Variants in PPFIBP1 observed in about 807,000 individuals in gnomAD.
The protein encoded by PPFIBP1 is liprin-beta-1.
Under a neutral mutation model 137.8 loss-of-function variants are expected in PPFIBP1, and 112 were observed. The observed-to-expected ratio is 0.81, with a 90% CI of 0.70 to 0.95. PPFIBP1 has a LOEUF of 0.95. Ranked by LOEUF, PPFIBP1 falls within the 40% of genes least tolerant of loss-of-function variation. PPFIBP1 has a pLI of 0.00. For synonymous variants in PPFIBP1, 378 were observed against 417.3 expected (o/e 0.91, Z 1.15); for missense variants, 1,083 against 1,196.6 (o/e 0.91, Z 1.40).
intron 2 of PPFIBP1, among the ~76,000 whole-genome samples, chr12:27,600,544 A>C (rs2053864317): frequency 6.6e-6 from 1 of 151,776 alleles, no homozygotes; most frequent in Non-Finnish European, 1.5e-5. Context: ...ATTTTGCCAT[A>C]TTTCATTGTA....
intron 2 of PPFIBP1, among the ~76,000 whole-genome samples, chr12:27,621,951 AT>A (rs2056383187): frequency 1.3e-5 from 2 of 152,224 alleles, no homozygotes; most frequent in Admixed American, 1.3e-4. Flanking sequence ...GATATGATCC[AT>A]TGTGATTAGA....
intron 1 of PPFIBP1, among the ~76,000 whole-genome samples, chr12:27,563,307 A>AAAAAAAAT (rs2049330135): frequency 6.9e-6 from 1 of 145,474 alleles, no homozygotes; most frequent in African/African-American, 2.6e-5. Flanking sequence ...AAAAAAAAAA[A>AAAAAAAAT]TTAGCTGGGT....
At chr12:27,593,746 C>T in intron 2 of PPFIBP1, 2 of 678,754 alleles carry the variant, frequency 2.9e-6, no homozygotes, top group Non-Finnish European at 4.9e-6. Flanking sequence ...TCTGTGTTGT[C>T]AGAGCCAACG....
At chr12:27,634,686 G>A (rs12422294) in intron 3 of PPFIBP1, among the ~76,000 whole-genome samples, 32,985 of 151,752 alleles carry the variant, frequency 0.22, 3,796 homozygotes, top group East Asian at 0.29. Context: ...CCCATGATTG[G>A]CCTCCTAGTT....
rs2050726184 is a variant in PPFIBP1 at position 27,578,140 on chromosome 12, G to C, written c.-123-12G>C. 1 of 150,608 alleles carries C rather than the reference G, an allele frequency of 6.6e-6. No homozygotes were observed. Among genetic ancestry groups the C allele is most frequent in the Non-Finnish European group, 1.5e-5 (1 of 67,726 alleles). 9.3% of individuals were successfully genotyped at this position (150,608 alleles called of 1,614,324 possible). A position where few individuals can be genotyped will look rare whatever the true frequency, so the allele number is the denominator to read the frequency against. On this transcript the variant is annotated splice_polypyrimidine_tract_variant and intron_variant, in intron 1 of 29. Coordinates refer to ENST00000228425, the MANE Select transcript of PPFIBP1 (RefSeq NM_003622.4). ...ATTTTAACTTGTCGTTTTTGTATTTGTTTCTTTTCAGTATAAAAGAACGTG... is the reference window on the plus strand; with the variant it reads ...ATTTTAACTTGTCGTTTTTGTATTTCTTTCTTTTCAGTATAAAAGAACGTG...
At chr12:27,678,881 A>AAAAAAAAC (rs2060707182) in intron 19 of PPFIBP1, among the ~76,000 whole-genome samples, 1 of 143,198 alleles carries the variant, frequency 7.0e-6, no homozygotes, top group African/African-American at 2.8e-5. Flanking sequence ...AAAAAAAAAA[A>AAAAAAAAC]CATTTAAGAG....
At chr12:27,577,037 T>C (rs1215172045) in intron 1 of PPFIBP1, among the ~76,000 whole-genome samples, 2 of 152,260 alleles carry the variant, frequency 1.3e-5, no homozygotes, top group Admixed American at 6.5e-5. Context: ...TGTGTATATA[T>C]GGGCCATATA....
At chr12:27,585,035 G>A (rs2051565809) in intron 2 of PPFIBP1, among the ~76,000 whole-genome samples, 1 of 152,146 alleles carries the variant, frequency 6.6e-6, no homozygotes, top group Non-Finnish European at 1.5e-5. Context: ...GCATAAATGT[G>A]TATCAATGAG....
chr12:27,631,024 T>C (rs1241968025), intron 2 of PPFIBP1, among the ~76,000 whole-genome samples: 1 of 152,174 alleles, frequency 6.6e-6, no homozygotes, highest in Non-Finnish European at 1.5e-5. Context: ...ACTGGCAACA[T>C]AGTGAGACCT....
At chr12:27,593,124 T>C in intron 2 of PPFIBP1, among the ~76,000 whole-genome samples, 1 of 46,184 alleles carries the variant, frequency 2.2e-5, no homozygotes, top group East Asian at 3.8e-4. Flanking sequence ...GGAGAAAGAA[T>C]GTCTCAAAAA....
At chr12:27,525,513 G>GAAAA (rs56656340) in intron 1 of PPFIBP1, among the ~76,000 whole-genome samples, 7 of 93,738 alleles carry the variant, frequency 7.5e-5, no homozygotes, top group African/African-American at 1.6e-4. Flanking sequence ...GAGCAGGAAG[G>GAAAA]AAAAAAAAAA....
chr12:27,628,324 A>G (rs890688860), intron 2 of PPFIBP1, among the ~76,000 whole-genome samples: 3 of 152,146 alleles, frequency 2.0e-5, no homozygotes, highest in Non-Finnish European at 2.9e-5. Context: ...CTACAGGCAC[A>G]TGCCACCACA....
chr12:27,599,833 T>C (rs544058600), intron 2 of PPFIBP1, among the ~76,000 whole-genome samples: 3 of 152,014 alleles, frequency 2.0e-5, no homozygotes, highest in Non-Finnish European at 2.9e-5. Context: ...AAGTTTCAGG[T>C]CAAGAAAGGC....
intron 4 of PPFIBP1, 42 bp from the exon 5 acceptor site, chr12:27,646,020 C>A: frequency 7.2e-7 from 1 of 1,391,898 alleles, no homozygotes; most frequent in Non-Finnish European, 1.0e-6. Context: ...ATATATCATT[C>A]TTAGAGAAGA....
chr12:27,656,591 T>C, intron 8 of PPFIBP1, 25 bp from the exon 9 acceptor site: 1 of 1,431,310 alleles, frequency 7.0e-7, no homozygotes, highest in Non-Finnish European at 9.9e-7. Flanking sequence ...GATCTGCTAT[T>C]TTTAAATGAA....
At chr12:27,638,266 T>C (rs1346388372) in intron 4 of PPFIBP1, among the ~76,000 whole-genome samples, 11 of 152,166 alleles carry the variant, frequency 7.2e-5, no homozygotes, top group African/African-American at 2.7e-4. Flanking sequence ...CATCCTAGAA[T>C]TTAAGGAACA....
At chr12:27,692,395 G>C (rs79732541) in intron 28 of PPFIBP1, among the ~76,000 whole-genome samples, 196 bp from the exon 29 acceptor site, 1,666 of 152,326 alleles carry the variant, frequency 0.011, 32 homozygotes, top group African/African-American at 0.035. Flanking sequence ...TAGACTAGCT[G>C]TGTCAGTAAA....
chr12:27,610,988 T>C (rs533267881), intron 2 of PPFIBP1, among the ~76,000 whole-genome samples: 5 of 152,286 alleles, frequency 3.3e-5, no homozygotes, highest in African/African-American at 1.2e-4. Context: ...AATTCCTTTG[T>C]AATTTCAAAC....
intron 1 of PPFIBP1, chr12:27,548,241 T>G (rs4930833): frequency 0.34 from 51,129 of 152,046 alleles, 8,913 homozygotes; most frequent in Middle Eastern, 0.47. Flanking sequence ...TCATCCTATG[T>G]GTATATAAAT....
Sources: allele counts gnomAD v4.1 joint callset (sites outside exome capture counted in the v4.1 genomes callset), GRCh38; gene constraint gnomAD v4.1.1; transcripts MANE v1.5; gene names NCBI Gene and HGNC (gene_info 2026-07-23, HGNC 2026-07-21).